The following XRCC4 variants were observed in gnomAD, a reference collection of about 807,000 sequenced individuals.
The protein encoded by XRCC4 is X-ray repair cross complementing 4.
Under a neutral mutation model 39.1 loss-of-function variants are expected in XRCC4, and 28 were observed. The ratio of observed to expected loss-of-function variants is 0.72; its 90% CI spans 0.53 to 0.98. XRCC4 has a LOEUF of 0.98. Ranked by LOEUF, XRCC4 falls within the 50% of genes least tolerant of loss-of-function variation. The pLI, the probability that XRCC4 is intolerant of heterozygous loss-of-function variation, is 0.00. For synonymous variants in XRCC4, 123 were observed against 126.4 expected (o/e 0.97, Z 0.18); for missense variants, 350 against 376.4 (o/e 0.93, Z 0.58).
intron 3 of XRCC4, among the ~76,000 whole-genome samples, chr5:83,172,236 G>A (rs1461638116): frequency 1.3e-5 from 2 of 152,118 alleles, no homozygotes; most frequent in African/African-American, 2.4e-5. Flanking sequence ...AGGGCTTCCA[G>A]TTGGCTCTGG....
rs151124987 is a variant in XRCC4, at chr5:83,249,285, G to T, written c.746-9245G>T. The stretch of plus-strand genomic sequence containing the variant: ...ATTTTCTTAGTTATTTGACCATTTG[G>T]TATAGATTTTTTCTTATTCCTTCTA... On this transcript the variant is annotated intron_variant, in intron 6 of 7. Coordinates refer to ENST00000396027, the MANE Select transcript of XRCC4 (RefSeq NM_003401.5). 5.2e-3 allele frequency among the ~76,000 whole-genome samples: 791 copies of T among 152,154 alleles called. 4 individuals are homozygous for T. Among genetic ancestry groups the T allele is most frequent in the African/African-American group, 0.017 (695 of 41,534 alleles).
intron 7 of XRCC4, among the ~76,000 whole-genome samples, chr5:83,277,804 G>C (rs1754387058): frequency 6.6e-6 from 1 of 152,102 alleles, no homozygotes; most frequent in African/African-American, 2.4e-5. Flanking sequence ...TTTTCTGTCT[G>C]TACCAATGTG....
intron 6 of XRCC4, among the ~76,000 whole-genome samples, chr5:83,207,881 T>C (rs1222724123): frequency 6.6e-6 from 1 of 152,064 alleles, no homozygotes; most frequent in Non-Finnish European, 1.5e-5. Flanking sequence ...ATCTTGATAA[T>C]AAATTACTTG....
chr5:83,337,972 T>C (rs1756643037), intron 7 of XRCC4, among the ~76,000 whole-genome samples: 1 of 152,140 alleles, frequency 6.6e-6, no homozygotes, highest in Admixed American at 6.5e-5. Flanking sequence ...CTTTGAATGA[T>C]GATACTACTA....
intron 1 of XRCC4, among the ~76,000 whole-genome samples, chr5:83,085,806 G>T (rs1745155302): frequency 6.6e-6 from 1 of 152,130 alleles, no homozygotes; most frequent in South Asian, 2.1e-4. Flanking sequence ...TGTGATAAGG[G>T]AATATGACCT....
At chr5:83,333,391 T>C (rs530113990) in intron 7 of XRCC4, among the ~76,000 whole-genome samples, 1 of 152,220 alleles carries the variant, frequency 6.6e-6, no homozygotes, top group African/African-American at 2.4e-5. Flanking sequence ...CATGCTAGAC[T>C]TGTAAGTATT....
chr5:83,140,350 A>C (rs1748107637), intron 3 of XRCC4, among the ~76,000 whole-genome samples: 1 of 152,198 alleles, frequency 6.6e-6, no homozygotes, highest in Admixed American at 6.5e-5. Context: ...AAGAACCTGG[A>C]GTCTGATGTC....
Position 83,195,779 on chromosome 5 carries a change from G to C in XRCC4, c.325G>C (p.Gly109Arg). 1 of 1,581,598 alleles carries C rather than the reference G, an allele frequency of 6.3e-7. No homozygotes were observed. Among genetic ancestry groups the C allele is most frequent in the Non-Finnish European group, 8.6e-7 (1 of 1,163,054 alleles). ...TTTTCTTTCATTTTAGTTCAGACTT[G>C]GTTCCTTCAACCTAGAGAAAGTTGA... The part of the protein sequence containing the change: ...KNLKDVSFRL[G>R]SFNLEKVENP... Residue 109 changes from glycine (G) to arginine (R), a missense_variant, in exon 4 of 8, where the codon GGT becomes CGT. Coordinates refer to ENST00000396027, the MANE Select transcript of XRCC4 (RefSeq NM_003401.5).
At chr5:83,277,024 C>A (rs1365231818) in intron 7 of XRCC4, among the ~76,000 whole-genome samples, 1 of 152,010 alleles carries the variant, frequency 6.6e-6, no homozygotes, top group Admixed American at 6.6e-5. Context: ...TCTAAGAGGA[C>A]ATAATTTATT....
chr5:83,154,965 A>G (rs566811255), intron 3 of XRCC4, among the ~76,000 whole-genome samples: 2 of 152,256 alleles, frequency 1.3e-5, no homozygotes, highest in African/African-American at 4.8e-5. Flanking sequence ...CTCTGCAGAA[A>G]TCACACTATT....
intron 2 of XRCC4, among the ~76,000 whole-genome samples, chr5:83,108,541 G>A (rs1746304012): frequency 6.6e-6 from 1 of 151,814 alleles, no homozygotes; most frequent in South Asian, 2.1e-4. Flanking sequence ...TTGAATTTGA[G>A]CTCCACAGGC....
Position 83,208,197 on chromosome 5 carries a change from G to A in XRCC4, c.745+3276G>A, listed in dbSNP as rs117325981. Among the ~76,000 whole-genome samples the A allele has an allele frequency of 2.9e-3, 443 of 152,082 alleles. 12 individuals are homozygous for A. The East Asian group carries it at 0.073, about 25-fold the overall frequency. ...CAGGATCATTTAGTAATACGAAGAT[G>A]AATATGTTAATCTGAATCTGAGTAT... On this transcript the variant is annotated intron_variant, in intron 6 of 7. Coordinates refer to ENST00000396027, the MANE Select transcript of XRCC4 (RefSeq NM_003401.5).
At chr5:83,239,022 T>A (rs1440358852) in intron 6 of XRCC4, among the ~76,000 whole-genome samples, 1 of 152,248 alleles carries the variant, frequency 6.6e-6, no homozygotes, top group Non-Finnish European at 1.5e-5. Flanking sequence ...AAATGTCTAA[T>A]GATTCTGTTC....
chr5:83,282,910 G>A (rs183364316), intron 7 of XRCC4, among the ~76,000 whole-genome samples: 18 of 152,002 alleles, frequency 1.2e-4, no homozygotes, highest in African/African-American at 3.1e-4. Context: ...TAACTTATAC[G>A]ACAATATATA....
chr5:83,206,765 A>G (rs1287802055), intron 6 of XRCC4, among the ~76,000 whole-genome samples: 3 of 152,130 alleles, frequency 2.0e-5, no homozygotes, highest in Non-Finnish European at 4.4e-5. Flanking sequence ...CAGAGGAAAA[A>G]CTACTGGAAA....
intron 3 of XRCC4, among the ~76,000 whole-genome samples, chr5:83,159,627 T>G (rs1749114051): frequency 6.6e-6 from 1 of 152,158 alleles, no homozygotes; most frequent in East Asian, 1.9e-4. Flanking sequence ...ACGGAAAATA[T>G]CGGAATTATT....
At chr5:83,275,750 G>A (rs1191980654) in intron 7 of XRCC4, among the ~76,000 whole-genome samples, 1 of 152,178 alleles carries the variant, frequency 6.6e-6, no homozygotes, top group African/African-American at 2.4e-5. Flanking sequence ...AGCACAGACA[G>A]CCTGAGTGGC....
intron 6 of XRCC4, among the ~76,000 whole-genome samples, chr5:83,222,710 G>A (rs1752131544): frequency 6.6e-6 from 1 of 151,900 alleles, no homozygotes; most frequent in Non-Finnish European, 1.5e-5. Flanking sequence ...TACAATTTTA[G>A]ATGTTTGTGT....
At chr5:83,331,529 C>T (rs1308624922) in intron 7 of XRCC4, among the ~76,000 whole-genome samples, 3 of 151,776 alleles carry the variant, frequency 2.0e-5, no homozygotes, top group Admixed American at 2.0e-4. Context: ...ATAGTATGAC[C>T]CAGGAATTCA....
Sources: gnomAD v4.1 joint callset for allele counts (sites outside exome capture counted in the v4.1 genomes callset) on GRCh38, gnomAD v4.1.1 for gene constraint, MANE v1.5 for transcripts, NCBI Gene and HGNC (gene_info 2026-07-23, HGNC 2026-07-21) for gene names.